Variants in DPP6 observed in about 807,000 individuals in gnomAD.
The protein encoded by DPP6 is A-type potassium channel modulatory protein DPP6.
In DPP6, 69 loss-of-function variants were observed where a neutral mutation model predicts 122.6. The observed-to-expected ratio is 0.56, with a 90% CI of 0.46 to 0.69. The LOEUF is 0.69. Ranked by LOEUF, DPP6 falls within the 30% of genes least tolerant of loss-of-function variation. The pLI, the probability that DPP6 is intolerant of heterozygous loss-of-function variation, is 0.00. For missense variants in DPP6, 928 were observed against 1,116.9 expected, an observed-to-expected ratio of 0.83 and a Z score of 2.41; for synonymous variants, 418 against 433.1, an observed-to-expected ratio of 0.97 and a Z score of 0.43.
At chr7:153,807,676 C>G in the DPP6 span, among the ~76,000 whole-genome samples, 1 of 151,722 alleles carries the variant, frequency 6.6e-6, no homozygotes, top group African/African-American at 2.4e-5. Flanking sequence ...CCTTAAATGC[C>G]CTGAGACTGA....
intron 1 of DPP6, among the ~76,000 whole-genome samples, chr7:153,977,625 G>T (rs960291905): frequency 6.6e-6 from 1 of 152,038 alleles, no homozygotes; most frequent in African/African-American, 2.4e-5. Context: ...TGTTATGTAG[G>T]TATACATGTG....
At chr7:154,396,094 C>T (rs1474149417) in intron 1 of DPP6, among the ~76,000 whole-genome samples, 1 of 151,902 alleles carries the variant, frequency 6.6e-6, no homozygotes, top group African/African-American at 2.4e-5. Context: ...TTGAATTGAC[C>T]TGATTTAACT....
intron 1 of DPP6, among the ~76,000 whole-genome samples, chr7:154,005,878 C>T (rs1380699143): frequency 6.6e-6 from 1 of 152,090 alleles, no homozygotes; most frequent in African/African-American, 2.4e-5. Flanking sequence ...GGAGATCCTG[C>T]GGGCCTCACT....
intron 7 of DPP6, among the ~76,000 whole-genome samples, chr7:154,677,572 A>G (rs969646197): frequency 6.6e-6 from 1 of 152,238 alleles, no homozygotes; most frequent in Admixed American, 6.5e-5. Flanking sequence ...TGTTAGAGGG[A>G]CGAAAGGGCA....
Position 154,833,670 on chromosome 7 carries a change from T to C in DPP6, c.1667-20110T>C, listed in dbSNP as rs374319453. The stretch of plus-strand genomic sequence containing the variant: ...GGTCATTTGCACCAATTTCCTGTCA[T>C]ATGGGGAGAATTCACCTCTTGTTTC... On this transcript the variant is annotated intron_variant, in intron 16 of 25. Transcript: ENST00000377770. This position sits in a 1 kb window ranked among gnomAD's most constrained non-coding sequence, Gnocchi z 4.3. Among the ~76,000 whole-genome samples, 19 of 152,170 alleles carry C rather than the reference T, an allele frequency of 1.2e-4. No homozygotes were observed. The highest frequency in any genetic ancestry group is 1.2e-3 in the East Asian group (6 of 5,178).
intron 5 of DPP6, among the ~76,000 whole-genome samples, chr7:154,577,722 T>C (rs928189442): frequency 6.6e-5 from 10 of 152,188 alleles, no homozygotes; most frequent in South Asian, 2.1e-4. Flanking sequence ...ATGGCCATCA[T>C]TGTAATGTAG....
intron 1 of DPP6, among the ~76,000 whole-genome samples, chr7:154,356,008 C>T (rs965888510): frequency 2.0e-5 from 3 of 152,128 alleles, no homozygotes; most frequent in African/African-American, 4.8e-5. Context: ...TTTAATTTCT[C>T]TTAACCTCAT....
intron 1 of DPP6, among the ~76,000 whole-genome samples, chr7:153,988,825 C>T (rs1222497328): frequency 6.6e-6 from 1 of 151,904 alleles, no homozygotes; most frequent in Non-Finnish European, 1.5e-5. Context: ...CTCCAGATTG[C>T]TATGGAGATT....
At chr7:154,413,841 T>C (rs1481122354) in intron 1 of DPP6, among the ~76,000 whole-genome samples, 1 of 152,208 alleles carries the variant, frequency 6.6e-6, no homozygotes, top group Non-Finnish European at 1.5e-5. Flanking sequence ...TAATGAATGA[T>C]AATGAGTCAA....
At chr7:154,267,607 A>C (rs1180595409) in intron 1 of DPP6, among the ~76,000 whole-genome samples, 1 of 151,106 alleles carries the variant, frequency 6.6e-6, no homozygotes, top group Non-Finnish European at 1.5e-5. Flanking sequence ...ATGTGCATGT[A>C]TATATCCCTT....
intron 1 of DPP6, among the ~76,000 whole-genome samples, chr7:154,267,269 AT>A (rs1803479295): frequency 6.7e-6 from 1 of 149,716 alleles, no homozygotes; most frequent in African/African-American, 2.4e-5. Flanking sequence ...AATATTCAAC[AT>A]TTTTTCATTT....
At chr7:154,575,384 A>G (rs1222721226) in intron 5 of DPP6, among the ~76,000 whole-genome samples, 234 of 21,918 alleles carry the variant, frequency 0.011, no homozygotes, top group Admixed American at 0.024. Flanking sequence ...TATGTGTGTG[A>G]TGTGTGTGTA....
intron 1 of DPP6, among the ~76,000 whole-genome samples, chr7:154,142,100 C>A (rs769410452): frequency 2.0e-5 from 3 of 152,112 alleles, no homozygotes; most frequent in Non-Finnish European, 2.9e-5. Flanking sequence ...AGATATCGTA[C>A]TCCCAGGAAA....
intron 17 of DPP6, among the ~76,000 whole-genome samples, chr7:154,855,111 T>C (rs1469258607): frequency 2.0e-5 from 3 of 152,026 alleles, no homozygotes; most frequent in Non-Finnish European, 4.4e-5. Flanking sequence ...GTGAGGCGCA[T>C]GTTGGAAAGG....
chr7:154,011,535 GA>G (rs1392072116), intron 1 of DPP6, among the ~76,000 whole-genome samples: 2 of 151,608 alleles, frequency 1.3e-5, no homozygotes, highest in Admixed American at 6.6e-5. Flanking sequence ...TCATAAACTT[GA>G]AAAACTCAGA....
chr7:153,753,057 G>C, the DPP6 span, among the ~76,000 whole-genome samples: 4 of 152,044 alleles, frequency 2.6e-5, no homozygotes, highest in Non-Finnish European at 5.9e-5. Context: ...ATTATAATTT[G>C]AGACCCCATT....
intron 2 of DPP6, among the ~76,000 whole-genome samples, chr7:154,448,037 A>C (rs756974290): frequency 6.6e-6 from 1 of 152,220 alleles, no homozygotes; most frequent in Non-Finnish European, 1.5e-5. Context: ...CATTCCCAGC[A>C]TGGCTATTTA....
chr7:153,835,389 A>T, the DPP6 span, among the ~76,000 whole-genome samples: 1 of 151,464 alleles, frequency 6.6e-6, no homozygotes, highest in Non-Finnish European at 1.5e-5. Flanking sequence ...CGGTTTTATG[A>T]CTGTGTGGAA....
At chr7:153,834,017 T>A in the DPP6 span, among the ~76,000 whole-genome samples, 1 of 152,180 alleles carries the variant, frequency 6.6e-6, no homozygotes, top group Non-Finnish European at 1.5e-5. Flanking sequence ...CCAGGTGCGG[T>A]GGCTCATGCC....
Sources: gnomAD v4.1 joint callset for allele counts (sites outside exome capture counted in the v4.1 genomes callset) on GRCh38, gnomAD v4.1.1 for gene constraint, Gnocchi (gnomAD v3.1) non-coding constraint, MANE v1.5 for transcripts, NCBI Gene and HGNC (gene_info 2026-07-23, HGNC 2026-07-21) for gene names.